The following ANXA4 variants were observed in gnomAD, a reference collection of about 807,000 sequenced individuals.
ANXA4 encodes 35-beta calcimedin.
ANXA4 carries 39 observed loss-of-function variants against 49.8 expected under a neutral mutation model. That is an observed-to-expected ratio of 0.78 (90% CI 0.61 to 1.02). The LOEUF (loss-of-function observed/expected upper bound fraction) is 1.02, where lower values mean the gene tolerates loss of function less well. ANXA4 is among the 50% of genes least tolerant of loss of function. The probability of loss-of-function intolerance (pLI) is 0.00; values close to 1 mark genes in which losing one functional copy is unlikely to be tolerated. For missense variants in ANXA4, 360 were observed against 410.1 expected, an observed-to-expected ratio of 0.88 and a Z score of 1.05; for synonymous variants, 134 against 152.5, an observed-to-expected ratio of 0.88 and a Z score of 0.89.
At chr2:69,675,115 G>T (rs147529929) in intron 2 of ANXA4, among the ~76,000 whole-genome samples, 2 of 151,942 alleles carry the variant, frequency 1.3e-5, no homozygotes, top group Non-Finnish European at 2.9e-5. Flanking sequence ...GTAGAGACGG[G>T]GTTTCACTGT....
intron 1 of ANXA4, among the ~76,000 whole-genome samples, chr2:69,742,651 G>A (rs1670445365): frequency 6.6e-6 from 1 of 152,074 alleles, no homozygotes; most frequent in Non-Finnish European, 1.5e-5. Flanking sequence ...TAATGCCCTC[G>A]GCACAGTGCC....
chr2:69,723,022 A>AATATAT (rs550066124), intron 3 of ANXA4, among the ~76,000 whole-genome samples: 8 of 145,418 alleles, frequency 5.5e-5, no homozygotes, highest in African/African-American at 1.2e-4. Context: ...AATACCAAAA[A>AATATAT]ATATATATAT....
rs1573329012 is a variant in ANXA4, at chr2:69,825,307, A to G, written c.907-149A>G. The G allele has an allele frequency of 1.7e-5, 11 of 652,498 alleles. No individual in the cohort carries two copies. The East Asian group carries it at 2.0e-4, about 12-fold the overall frequency. 40.4% of individuals were successfully genotyped at this position (652,498 alleles called of 1,614,324 possible). A position where few individuals can be genotyped will look rare whatever the true frequency, so the allele number is the denominator to read the frequency against. Reference sequence around the variant, plus strand: ...TTTTTGTCTTTATTTTCTACACTGAATAAGTATTACCTTCGTAATAAAAAA... The same window carrying G: ...TTTTTGTCTTTATTTTCTACACTGAGTAAGTATTACCTTCGTAATAAAAAA... On this transcript the variant is annotated intron_variant, in intron 12 of 12. Coordinates refer to ENST00000394295, the MANE Select transcript of ANXA4 (RefSeq NM_001153.5).
Position 69,825,393 on chromosome 2 carries a change from G to A in ANXA4, c.907-63G>A, listed in dbSNP as rs878893137. ...CAAGCTTGAAAAAGTTGGCTTAGATGACTTTGAACTGTGTGTTTCATTTTA... is the reference window on the plus strand; with the variant it reads ...CAAGCTTGAAAAAGTTGGCTTAGATAACTTTGAACTGTGTGTTTCATTTTA... On this transcript the variant is annotated intron_variant, in intron 12 of 12. Transcript: ENST00000394295. 2.4e-5 allele frequency: 33 copies of A among 1,394,978 alleles called. No homozygotes were observed. The South Asian group carries it at 4.0e-4, about 17-fold the overall frequency. 86.4% of individuals were successfully genotyped at this position (1,394,978 alleles called of 1,614,324 possible). A position where few individuals can be genotyped will look rare whatever the true frequency, so the allele number is the denominator to read the frequency against.
chr2:69,819,204 G>A, intron 10 of ANXA4, 76 bp from the exon 11 acceptor site: 1 of 1,095,994 alleles, frequency 9.1e-7, no homozygotes, highest in East Asian at 2.5e-5. Flanking sequence ...AGAAACAGAG[G>A]AAACAACTGT....
intron 12 of ANXA4, among the ~76,000 whole-genome samples, chr2:69,821,530 C>T (rs1467826499): frequency 1.3e-5 from 2 of 151,906 alleles, no homozygotes; most frequent in African/African-American, 2.4e-5. Flanking sequence ...AGTGTAGTGG[C>T]GCAATCTCCA....
intron 2 of ANXA4, among the ~76,000 whole-genome samples, chr2:69,705,265 C>T (rs1433216157): frequency 6.6e-6 from 1 of 152,098 alleles, no homozygotes; most frequent in Non-Finnish European, 1.5e-5. Context: ...CTCTGCACTC[C>T]AGCCTGGGTG....
At chr2:69,720,241 C>T (rs56785746) in intron 2 of ANXA4, among the ~76,000 whole-genome samples, 25,279 of 152,186 alleles carry the variant, frequency 0.17, 6,761 homozygotes, top group African/African-American at 0.56. Flanking sequence ...TCAATTTTCC[C>T]CTTTTTGAAC....
At chr2:69,714,810 T>G (rs1317369857) in intron 2 of ANXA4, among the ~76,000 whole-genome samples, 1 of 152,232 alleles carries the variant, frequency 6.6e-6, no homozygotes, top group African/African-American at 2.4e-5. Context: ...GTTTTTCCCT[T>G]GGCTTCCCCG....
rs1457539627 is a variant in ANXA4 at position 69,804,618 on chromosome 2, C to G, written c.183C>G (p.Thr61=). Residue 61 remains threonine (T), a synonymous_variant, in exon 4 of 13, where the codon ACC becomes ACG. Coordinates refer to ENST00000394295, the MANE Select transcript of ANXA4 (RefSeq NM_001153.5). ...AGATCAGGACAGCCTACAAGAGCAC[C>G]ATCGGCAGGGTAGGCCACAGTCTTT... ...RQEIRTAYKS[T]IGRDLIDDLK... is the part of the protein sequence containing the mutation. 2 of 1,612,786 alleles carry G rather than the reference C, an allele frequency of 1.2e-6. No homozygotes were observed. The highest frequency in any genetic ancestry group is 2.7e-5 in the African/African-American group (2 of 75,008).
chr2:69,697,009 T>A (rs1678181321), intron 2 of ANXA4, among the ~76,000 whole-genome samples: 1 of 152,162 alleles, frequency 6.6e-6, no homozygotes, highest in South Asian at 2.1e-4. Flanking sequence ...CATGTTCAAC[T>A]TAAAGTCACC....
intron 1 of ANXA4, chr2:69,781,024 G>A (rs2103661390): frequency 6.5e-6 from 1 of 152,824 alleles, no homozygotes; most frequent in African/African-American, 2.4e-5. Context: ...ATCGCCACTG[G>A]GAAACGAAAA....
chr2:69,707,873 C>T lies in ANXA4; in HGVS notation n.767-12901C>T, dbSNP rs181739980. On this transcript the variant is annotated intron_variant and non_coding_transcript_variant, in intron 2 of 3. Coordinates refer to the ANXA4 transcript ENST00000418066. Reference sequence around the variant, plus strand: ...ATTAACCATCCCCACTACCCACAGCCACCTCCACTACCCTTCCCAGCCTCT... The same window carrying T: ...ATTAACCATCCCCACTACCCACAGCTACCTCCACTACCCTTCCCAGCCTCT... Among the ~76,000 whole-genome samples, 47 of 152,316 alleles carry T rather than the reference C, an allele frequency of 3.1e-4. No homozygotes were observed. The South Asian group carries it at 5.0e-3, about 16-fold the overall frequency.
chr2:69,729,404 T>G (rs560979390), intron 3 of ANXA4, among the ~76,000 whole-genome samples: 24 of 152,360 alleles, frequency 1.6e-4, no homozygotes, highest in Admixed American at 2.0e-4. Context: ...CAATTTATTT[T>G]TAAAACATGA....
chr2:69,656,343 ATG>A (rs1267889827), intron 2 of ANXA4, among the ~76,000 whole-genome samples: 1,721 of 102,722 alleles, frequency 0.017, 225 homozygotes, highest in East Asian at 0.14. Flanking sequence ...GTGTATATAT[ATG>A]TGTATATATG....
intron 1 of ANXA4, among the ~76,000 whole-genome samples, chr2:69,748,570 TATTA>T (rs1426891516): frequency 2.0e-5 from 3 of 151,338 alleles, no homozygotes; most frequent in Non-Finnish European, 4.4e-5. Context: ...TAATTTTACA[TATTA>T]ATTTCACATT....
At chr2:69,773,983 A>G (rs1671855994) in intron 1 of ANXA4, among the ~76,000 whole-genome samples, 1 of 151,480 alleles carries the variant, frequency 6.6e-6, no homozygotes, top group African/African-American at 2.4e-5. Flanking sequence ...CAGGCATGCC[A>G]GGCTAATTTT....
At chr2:69,814,535 G>A (rs1673872751) in intron 8 of ANXA4, among the ~76,000 whole-genome samples, 1 of 151,534 alleles carries the variant, frequency 6.6e-6, no homozygotes, top group Non-Finnish European at 1.5e-5. Context: ...TTTTGGTAGA[G>A]GTGGGGTTTT....
chr2:69,800,993 GGTT>G (rs1001121866), intron 3 of ANXA4, among the ~76,000 whole-genome samples: 1 of 152,038 alleles, frequency 6.6e-6, no homozygotes, highest in Non-Finnish European at 1.5e-5. Context: ...AGGCACTGGG[GGTT>G]GGGGGGCTGA....
Sources: gnomAD v4.1 joint callset for allele counts (sites outside exome capture counted in the v4.1 genomes callset) on GRCh38, gnomAD v4.1.1 for gene constraint, MANE v1.5 for transcripts, NCBI Gene and HGNC (gene_info 2026-07-23, HGNC 2026-07-21) for gene names.